Variants in NUP210 observed in about 807,000 individuals in gnomAD.
NUP210 encodes nucleoporin 210.
NUP210 carries 151 observed loss-of-function variants against 196.0 expected under a neutral mutation model. That is an observed-to-expected ratio of 0.77 (90% confidence interval 0.67 to 0.88). NUP210 has a LOEUF of 0.88. Among genes scored for constraint, NUP210 ranks in the 40% least tolerant of loss-of-function variants. The pLI is 0.00. For synonymous variants in NUP210, 1,070 were observed against 1,052.7 expected (o/e 1.02, Z -0.32); for missense variants, 2,314 against 2,493.7 (o/e 0.93, Z 1.53).
In NUP210 at chr3:13,321,047, G is replaced by A. The variant is rs140754187; in HGVS notation, c.5166+538C>T. ...CTGCCTCTGCAGAACATGCGATCAC[G>A]CTGGCTGCAGCAAGGCAGGAGGAGC... On this transcript the variant is annotated intron_variant, in intron 36 of 39. Transcript: ENST00000254508. Among the ~76,000 whole-genome samples, 443 of 152,376 alleles carry A rather than the reference G, an allele frequency of 2.9e-3. 4 individuals are homozygous for A. The highest frequency in any genetic ancestry group is 0.01 in the African/African-American group (431 of 41,594).
chr3:13,387,310 T>G (rs1048671289), intron 5 of NUP210, among the ~76,000 whole-genome samples: 7 of 152,246 alleles, frequency 4.6e-5, no homozygotes, highest in African/African-American at 1.4e-4. Context: ...GGCAGGGCTC[T>G]GTGGCGGCTG....
At chr3:13,353,498 G>A in intron 18 of NUP210, 56 bp downstream of exon 18, 1 of 1,389,384 alleles carries the variant, frequency 7.2e-7, no homozygotes, top group Non-Finnish European at 1.0e-6. Flanking sequence ...TTAAGCAGAA[G>A]TAGGAGGCTT....
chr3:13,367,111 A>T (rs1299870056), intron 13 of NUP210, among the ~76,000 whole-genome samples: 1 of 140,528 alleles, frequency 7.1e-6, no homozygotes, highest in Non-Finnish European at 1.5e-5. Context: ...GGGCAATAAG[A>T]GTGAAACTCT....
chr3:13,357,543 G>A lies in NUP210; in HGVS notation c.2328+679C>T, dbSNP rs1333634712. On this transcript the variant is annotated intron_variant, in intron 16 of 39. Transcript: ENST00000254508. ...GTACATGCTCAAGGAGTGAGGAGCT[G>A]CTCACCCACCTCCTCTGAAAAGGGG... is the stretch of plus-strand genomic sequence containing the variant. Among the ~76,000 whole-genome samples the A allele has an allele frequency of 5.3e-5, 8 of 152,168 alleles. 1 individual carries two copies. The East Asian group carries it at 1.5e-3, about 29-fold the overall frequency.
intron 14 of NUP210, 119 bp from the exon 15 acceptor site, chr3:13,360,610 TCTC>T: frequency 2.9e-6 from 2 of 690,656 alleles, no homozygotes; most frequent in Non-Finnish European, 4.8e-6. Context: ...GCAAGCCCCA[TCTC>T]CTGTTTGAAA....
intron 11 of NUP210, among the ~76,000 whole-genome samples, chr3:13,375,061 C>T (rs773606789): frequency 5.4e-4 from 82 of 151,532 alleles, no homozygotes; most frequent in Non-Finnish European, 3.7e-4. Context: ...ATATATAATG[C>T]TTTCAAAAAA....
chr3:13,372,348 C>T (rs565664235), intron 12 of NUP210, among the ~76,000 whole-genome samples: 8 of 152,332 alleles, frequency 5.3e-5, no homozygotes, highest in Admixed American at 2.0e-4. Flanking sequence ...ACATGGAGTC[C>T]AGTGTGCTGA....
In NUP210 at chr3:13,386,280, A is replaced by G. The variant is rs757746196; in HGVS notation, c.812T>C (p.Ile271Thr). Reference sequence around the variant, plus strand: ...TGGCAGAGCCAATGACACACCTGTAATTTTCCCTTGCCTGATCTTCTGCAC... The same window carrying G: ...TGGCAGAGCCAATGACACACCTGTAGTTTTCCCTTGCCTGATCTTCTGCAC... ...YKVQKIRQGK[I>T]TELSMPSDQY... Residue 271 changes from isoleucine (I) to threonine (T), a missense_variant, in exon 6 of 40, where the codon ATT (isoleucine) becomes ACT (threonine). Ile to Thr is a moderately conservative substitution (Grantham distance 89, BLOSUM62 -1). Coordinates refer to ENST00000254508, the MANE Select transcript of NUP210 (RefSeq NM_024923.4). 1.2e-6 allele frequency: 2 copies of G among 1,612,818 alleles called. No individual in the cohort carries two copies. Among genetic ancestry groups the G allele is most frequent in the African/African-American group, 2.7e-5 (2 of 74,892 alleles).
intron 20 of NUP210, among the ~76,000 whole-genome samples, chr3:13,349,551 G>A (rs980487404): frequency 6.6e-6 from 1 of 152,198 alleles, no homozygotes; most frequent in Non-Finnish European, 1.5e-5. Context: ...TGGAGCTGCT[G>A]CCCCACTCAC....
At chr3:13,413,385 G>A (rs1417208960) in intron 1 of NUP210, among the ~76,000 whole-genome samples, 1 of 151,878 alleles carries the variant, frequency 6.6e-6, no homozygotes, top group Admixed American at 6.6e-5. Flanking sequence ...CAGGAGAATG[G>A]CATGAACCCG....
intron 13 of NUP210, among the ~76,000 whole-genome samples, chr3:13,367,386 G>T (rs952024957): frequency 6.6e-6 from 1 of 151,724 alleles, no homozygotes; most frequent in Non-Finnish European, 1.5e-5. Context: ...AGTGAGCCGA[G>T]AACGCACCAT....
At chr3:13,410,227 C>CTGGAG (rs1258342852) in intron 1 of NUP210, among the ~76,000 whole-genome samples, 40 of 151,056 alleles carry the variant, frequency 2.6e-4, no homozygotes, top group African/African-American at 9.7e-4. Flanking sequence ...GTTGCCCAGG[C>CTGGAG]TGGAGTGCAA....
In NUP210 at chr3:13,372,052, C is replaced by T. The variant is rs140622485; in HGVS notation, c.1588-20G>A. 5.1e-4 allele frequency: 791 copies of T among 1,541,206 alleles called. 4 individuals are homozygous for T. In the African/African-American group the frequency reaches 9.4e-3, roughly 18 times the overall value. On this transcript the variant is annotated intron_variant, in intron 12 of 39. Transcript: ENST00000254508. The stretch of plus-strand genomic sequence containing the variant: ...ATACACCTGGAAGACAGGGGCATGG[C>T]CTGGGCTCAGCTGCCTCCACAGGAG...
chr3:13,336,680 G>T (rs1697228629), intron 27 of NUP210, 107 bp downstream of exon 27: 1 of 1,269,662 alleles, frequency 7.9e-7, no homozygotes, highest in Non-Finnish European at 1.1e-6. Context: ...CTAGGTGTGA[G>T]GGTGGGGACT....
chr3:13,343,317 GCGGAGGT>G lies in NUP210; in HGVS notation c.2836-21_2836-15del. 4 of 1,612,218 alleles carry G rather than the reference GCGGAGGT, an allele frequency of 2.5e-6. No homozygotes were observed. Among genetic ancestry groups the G allele is most frequent in the South Asian group, 2.2e-5 (2 of 90,962 alleles). On this transcript the variant is annotated splice_polypyrimidine_tract_variant and intron_variant, in intron 20 of 39. Coordinates refer to ENST00000254508, the MANE Select transcript of NUP210 (RefSeq NM_024923.4). Reference sequence around the variant, plus strand: ...CAAAGGGTGCACCTGCAAGGTTGGGGCGGAGGTGGAGGGGTGGGTGGTGGGTTACGCA... The same window carrying G: ...CAAAGGGTGCACCTGCAAGGTTGGGGGGAGGGGTGGGTGGTGGGTTACGCA...
At chr3:13,325,953 C>T in intron 32 of NUP210, 22 bp from the exon 33 acceptor site, 1 of 1,612,642 alleles carries the variant, frequency 6.2e-7, no homozygotes, top group South Asian at 1.1e-5. Context: ...GCACAGGTGT[C>T]AGCCCCCTTT....
At chr3:13,376,454 A>G (rs763557169) in intron 9 of NUP210, 23 bp from the exon 10 acceptor site, 1 of 1,613,926 alleles carries the variant, frequency 6.2e-7, no homozygotes, top group South Asian at 1.1e-5. Context: ...GCAGGACAGG[A>G]GAGAGGTGCT....
intron 39 of NUP210, among the ~76,000 whole-genome samples, chr3:13,318,824 C>T (rs1457814483): frequency 6.6e-6 from 1 of 152,218 alleles, no homozygotes; most frequent in Non-Finnish European, 1.5e-5. Flanking sequence ...CCTGCCTAGA[C>T]AGAGCTCCTT....
In NUP210 at chr3:13,375,471, G is replaced by C. The variant is rs377458041; in HGVS notation, c.1431+33C>G. 4.4e-6 allele frequency: 7 copies of C among 1,596,274 alleles called. No individual in the cohort carries two copies. In the African/African-American group the frequency reaches 5.4e-5, roughly 12 times the overall value. On this transcript the variant is annotated intron_variant, in intron 11 of 39. Transcript: ENST00000254508. ...GCCACAATCCCATGAAAACACCAAA[G>C]GAATGCACGCAGAGGTGAGGGGTCT...
Sources: gnomAD v4.1 joint callset for allele counts (sites outside exome capture counted in the v4.1 genomes callset) on GRCh38, gnomAD v4.1.1 for gene constraint, MANE v1.5 for transcripts, NCBI Gene and HGNC (gene_info 2026-07-23, HGNC 2026-07-21) for gene names.